Variants in ABCC12 observed in about 807,000 individuals in gnomAD.
ABCC12 encodes ATP binding cassette subfamily C member 12.
ABCC12 carries 142 observed loss-of-function variants against 151.1 expected under a neutral mutation model. The ratio of observed to expected loss-of-function variants is 0.94; its 90% CI spans 0.82 to 1.08. The LOEUF (loss-of-function observed/expected upper bound fraction) is 1.08, where lower values mean the gene tolerates loss of function less well. Ranked by LOEUF, ABCC12 falls within the 50% of genes least tolerant of loss-of-function variation. The pLI is 0.00. For synonymous variants in ABCC12, 645 were observed against 646.4 expected (o/e 1.00, Z 0.03); for missense variants, 1,638 against 1,691.1 (o/e 0.97, Z 0.55).
chr16:48,141,057 C>T, intron 5 of ABCC12, 137 bp from the exon 6 acceptor site: 1 of 1,392,600 alleles, frequency 7.2e-7, no homozygotes, highest in African/African-American at 1.5e-5. Context: ...CTGTGCTTGA[C>T]AAGGATTCAC....
At chr16:48,137,838 G>A (rs1392446995) in intron 8 of ABCC12, among the ~76,000 whole-genome samples, 1 of 152,252 alleles carries the variant, frequency 6.6e-6, no homozygotes, top group East Asian at 1.9e-4. Flanking sequence ...GGACGCTGCT[G>A]CAGGCAAAGA....
Position 48,088,652 on chromosome 16 carries a change from C to G in ABCC12, c.3368G>C (p.Arg1123Thr). The G allele has an allele frequency of 6.2e-7, 1 of 1,614,192 alleles. No homozygotes were observed. Among genetic ancestry groups the G allele is most frequent in the African/African-American group, 1.3e-5 (1 of 75,066 alleles). Residue 1123 changes from arginine (R) to threonine (T), a missense_variant, in exon 26 of 31, where the codon AGA becomes ACA. Coordinates refer to ENST00000311303, the MANE Select transcript of ABCC12 (RefSeq NM_001393797.1). Reference protein sequence around the residue: ...DWPSRGEITFRDYQMRYRDNT... With the variant: ...DWPSRGEITFTDYQMRYRDNT... ...GTCTCTGTATCTCATCTGATAGTCT[C>G]TGAAGGTGATCTCCCCACGGCTGGG...
At chr16:48,142,846 TG>T (rs749908088) in intron 4 of ABCC12, among the ~76,000 whole-genome samples, 8 of 152,038 alleles carry the variant, frequency 5.3e-5, no homozygotes, top group South Asian at 2.1e-4. Flanking sequence ...GATCTGTGAG[TG>T]GGGGGTAAGA....
At chr16:48,146,217 G>T in intron 3 of ABCC12, 89 bp downstream of exon 3, 1 of 1,141,412 alleles carries the variant, frequency 8.8e-7, no homozygotes, top group Non-Finnish European at 1.3e-6. Flanking sequence ...TAGAGCAGCA[G>T]ATGGGTTGCA....
chr16:48,103,013 T>A (rs1179368475), intron 22 of ABCC12, among the ~76,000 whole-genome samples: 1 of 152,202 alleles, frequency 6.6e-6, no homozygotes, highest in Admixed American at 6.5e-5. Context: ...TTCAAGGGAC[T>A]CCTGCTCTAT....
At position 48,137,132 on chromosome 16, in the gene ABCC12, G is replaced by T. The variant is rs951878105; in HGVS notation, c.979+1096C>A. ...GGCAGGAGCAGTGCCTAGATGTCTT[G>T]CATAGTCCAGGAGAGAGAGGATATT... On this transcript the variant is annotated intron_variant, in intron 8 of 30. Transcript: ENST00000311303. Among the ~76,000 whole-genome samples, 9 of 152,262 alleles carry T rather than the reference G, an allele frequency of 5.9e-5. No homozygotes were observed. In the East Asian group the frequency reaches 9.6e-4, roughly 16 times the overall value.
Position 48,111,581 on chromosome 16 carries a change from T to C in ABCC12, c.2206A>G (p.Ile736Val), listed in dbSNP as rs770860978. ...PAEREEDAGI[I>V]VLAPGNEKDE... ...ATAACAGGGATGGGATTCTAACCGATTATACCAGCATCTTCCTCTCTCTCA... is the reference window on the plus strand; with the variant it reads ...ATAACAGGGATGGGATTCTAACCGACTATACCAGCATCTTCCTCTCTCTCA... Residue 736 changes from isoleucine to valine, a missense_variant, in exon 17 of 31, where the codon ATC becomes GTC. Physicochemically the swap from Ile to Val is conservative, Grantham distance 29. Transcript: ENST00000311303. The C allele has an allele frequency of 1.2e-6, 2 of 1,614,178 alleles. No individual in the cohort carries two copies. Among genetic ancestry groups the C allele is most frequent in the Non-Finnish European group, 1.7e-6 (2 of 1,180,028 alleles).
chr16:48,115,394 G>A (rs1326392189), intron 15 of ABCC12, 21 bp downstream of exon 15: 1 of 1,611,998 alleles, frequency 6.2e-7, no homozygotes, highest in Non-Finnish European at 8.5e-7. Flanking sequence ...GTGACCTCCT[G>A]GATCCTGCAT....
chr16:48,082,361 T>C lies in ABCC12; in HGVS notation c.*1354A>G, dbSNP rs913341630. On this transcript the variant is annotated 3_prime_UTR_variant, in exon 31 of 31. Coordinates refer to ENST00000311303, the MANE Select transcript of ABCC12 (RefSeq NM_001393797.1). ...TGGCCGGAGGAGGGCTGGAGAATAATCGGTTGGAGGTTAACCTCACATGCC... is the reference window on the plus strand; with the variant it reads ...TGGCCGGAGGAGGGCTGGAGAATAACCGGTTGGAGGTTAACCTCACATGCC... Among the ~76,000 whole-genome samples the C allele has an allele frequency of 1.2e-4, 18 of 152,182 alleles. No homozygotes were observed. The highest frequency in any genetic ancestry group is 4.3e-4 in the African/African-American group (18 of 41,450).
intron 15 of ABCC12, among the ~76,000 whole-genome samples, chr16:48,112,450 G>A (rs552289598): frequency 6.6e-6 from 1 of 152,260 alleles, no homozygotes; most frequent in Admixed American, 6.5e-5. Flanking sequence ...ACAAAAAGTA[G>A]CTGGGTATGG....
rs1275555726 is a variant in ABCC12, at chr16:48,146,404, G to A, written c.21C>T (p.Tyr7=). 1 of 1,614,074 alleles carries A rather than the reference G, an allele frequency of 6.2e-7. No individual in the cohort carries two copies. Among genetic ancestry groups the A allele is most frequent in the Non-Finnish European group, 8.5e-7 (1 of 1,180,048 alleles). Residue 7 remains tyrosine, a synonymous_variant, in exon 3 of 31, where the codon TAC becomes TAT. Coordinates refer to ENST00000311303, the MANE Select transcript of ABCC12 (RefSeq NM_001393797.1). MVGEGP[Y]LISDLDQRGR... ...CTCGCTGGTCCAGATCTGAGATAAGGTAGGGTCCTTCACCCACCATCCTGA... is the reference window on the plus strand; with the variant it reads ...CTCGCTGGTCCAGATCTGAGATAAGATAGGGTCCTTCACCCACCATCCTGA...
chr16:48,088,463 C>T, intron 26 of ABCC12, 82 bp downstream of exon 26: 2 of 1,473,484 alleles, frequency 1.4e-6, no homozygotes, highest in Non-Finnish European at 1.8e-6. Context: ...ACACATCACT[C>T]TCTGGTGTGA....
At chr16:48,107,470 C>T in intron 19 of ABCC12, 45 bp from the exon 20 acceptor site, 1 of 1,551,556 alleles carries the variant, frequency 6.4e-7, no homozygotes, top group East Asian at 2.2e-5. Flanking sequence ...GACATGAGCA[C>T]ATGGCAGGGG....
At chr16:48,154,056 T>C (rs1387462331) in intron 1 of ABCC12, among the ~76,000 whole-genome samples, 172 bp from the exon 2 acceptor site, 1 of 152,084 alleles carries the variant, frequency 6.6e-6, no homozygotes, top group African/African-American at 2.4e-5. Context: ...TGATGAGAGC[T>C]GGGAGGAGGC....
At chr16:48,136,873 G>T (rs986165717) in intron 8 of ABCC12, among the ~76,000 whole-genome samples, 3 of 152,162 alleles carry the variant, frequency 2.0e-5, no homozygotes, top group Non-Finnish European at 4.4e-5. Context: ...GTTTCCTAAG[G>T]TTACAGTAAA....
intron 18 of ABCC12, among the ~76,000 whole-genome samples, chr16:48,110,039 A>G (rs1226819224): frequency 6.6e-6 from 1 of 152,214 alleles, no homozygotes; most frequent in African/African-American, 2.4e-5. Flanking sequence ...AGTGAGGAGC[A>G]GAGATTACTC....
intron 8 of ABCC12, among the ~76,000 whole-genome samples, chr16:48,134,247 A>G (rs1338670396): frequency 6.6e-6 from 1 of 152,218 alleles, no homozygotes; most frequent in East Asian, 1.9e-4. Flanking sequence ...TGGTGCTACC[A>G]TGAAATGCAG....
chr16:48,144,072 A>G lies in ABCC12; in HGVS notation c.120-7T>C. The G allele has an allele frequency of 6.2e-7, 1 of 1,610,910 alleles. No homozygotes were observed. The highest frequency in any genetic ancestry group is 8.5e-7 in the Non-Finnish European group (1 of 1,177,982). On this transcript the variant is annotated splice_polypyrimidine_tract_variant and splice_region_variant and intron_variant, in intron 3 of 30. Transcript: ENST00000311303. The stretch of plus-strand genomic sequence containing the variant: ...CACCGGGTTGGGTGCTAACCTGCAG[A>G]CAAACAAGACACTCAGCGTTCCAGG...
chr16:48,151,300 G>C (rs1264999319), intron 2 of ABCC12, among the ~76,000 whole-genome samples: 4 of 152,080 alleles, frequency 2.6e-5, no homozygotes, highest in Non-Finnish European at 4.4e-5. Context: ...CCAATTGAGG[G>C]ACAGTCTACA....
Sources: gnomAD v4.1 joint callset for allele counts (sites outside exome capture counted in the v4.1 genomes callset) on GRCh38, gnomAD v4.1.1 for gene constraint, MANE v1.5 for transcripts, NCBI Gene and HGNC (gene_info 2026-07-23, HGNC 2026-07-21) for gene names.